Variants in SLC25A13 observed in about 807,000 individuals in gnomAD.
SLC25A13 encodes the protein electrogenic aspartate/glutamate antiporter SLC25A13, mitochondrial.
In SLC25A13, 70 loss-of-function variants were observed where a neutral mutation model predicts 85.5. That is an observed-to-expected ratio of 0.82 (90% CI 0.68 to 1.00). SLC25A13 has a LOEUF of 1.00. Ranked by LOEUF, SLC25A13 falls within the 50% of genes least tolerant of loss-of-function variation. SLC25A13 has a pLI of 0.00. For synonymous variants in SLC25A13, 259 were observed against 288.7 expected, an observed-to-expected ratio of 0.90 and a Z score of 1.04; for missense variants, 765 against 819.8, an observed-to-expected ratio of 0.93 and a Z score of 0.82.
chr7:96,253,502 T>C (rs1230199969), intron 3 of SLC25A13, among the ~76,000 whole-genome samples: 1 of 152,180 alleles, frequency 6.6e-6, no homozygotes, highest in East Asian at 1.9e-4. Context: ...ATCCCACAGA[T>C]TTTAAAAGAC....
At chr7:96,279,949 G>C (rs1798608532) in intron 2 of SLC25A13, among the ~76,000 whole-genome samples, 1 of 152,150 alleles carries the variant, frequency 6.6e-6, no homozygotes. Context: ...ACCAGGGAAA[G>C]GCGTGACAAA....
intron 3 of SLC25A13, among the ~76,000 whole-genome samples, chr7:96,270,283 C>A (rs748972318): frequency 1.3e-5 from 2 of 152,054 alleles, no homozygotes; most frequent in African/African-American, 4.8e-5. Context: ...GGGCTGAGTG[C>A]GGTGGCTCAC....
intron 5 of SLC25A13, among the ~76,000 whole-genome samples, chr7:96,194,034 T>C (rs1202585136): frequency 1.3e-5 from 2 of 152,198 alleles, no homozygotes; most frequent in Non-Finnish European, 2.9e-5. Context: ...GTGCACTATA[T>C]GGAAGGAACA....
At chr7:96,198,102 T>G (rs1258018837) in intron 5 of SLC25A13, among the ~76,000 whole-genome samples, 3 of 152,164 alleles carry the variant, frequency 2.0e-5, no homozygotes, top group African/African-American at 4.8e-5. Context: ...ATGGAAGCCA[T>G]ACATTATGAT....
chr7:96,215,298 T>C (rs1468480600), intron 4 of SLC25A13, among the ~76,000 whole-genome samples: 2 of 152,158 alleles, frequency 1.3e-5, no homozygotes, highest in Non-Finnish European at 2.9e-5. Context: ...GGTTTCACCA[T>C]GTTGGTCAGG....
intron 15 of SLC25A13, among the ~76,000 whole-genome samples, chr7:96,124,871 G>C (rs1186230154): frequency 1.1e-4 from 17 of 152,110 alleles, no homozygotes; most frequent in Non-Finnish European, 1.5e-4. Flanking sequence ...TTGTTATATA[G>C]GTGTACATTT....
At chr7:96,134,666 A>G (rs1228355091) in intron 14 of SLC25A13, among the ~76,000 whole-genome samples, 2 of 151,740 alleles carry the variant, frequency 1.3e-5, no homozygotes, top group East Asian at 3.9e-4. Context: ...CATGACAGTA[A>G]ATCATGTATC....
At chr7:96,255,059 C>T (rs1414933509) in intron 3 of SLC25A13, among the ~76,000 whole-genome samples, 1 of 152,150 alleles carries the variant, frequency 6.6e-6, no homozygotes, top group Non-Finnish European at 1.5e-5. Flanking sequence ...CAAAACCACA[C>T]AGAATTAAAT....
chr7:96,170,585 T>C (rs1194677199), intron 12 of SLC25A13, among the ~76,000 whole-genome samples: 1 of 152,196 alleles, frequency 6.6e-6, no homozygotes, highest in Non-Finnish European at 1.5e-5. Context: ...AGAAATTCAA[T>C]ATCTAAAAAT....
At chr7:96,215,067 T>C (rs551927044) in intron 4 of SLC25A13, among the ~76,000 whole-genome samples, 10 of 152,266 alleles carry the variant, frequency 6.6e-5, no homozygotes, top group South Asian at 4.1e-4. Context: ...CAATCCATTA[T>C]GAAAATTCAA....
At chr7:96,286,266 C>T (rs1798881381) in intron 2 of SLC25A13, among the ~76,000 whole-genome samples, 1 of 133,402 alleles carries the variant, frequency 7.5e-6, no homozygotes, top group Non-Finnish European at 1.6e-5. Flanking sequence ...GCCTGGGTGA[C>T]AGAGTAAGAC....
At chr7:96,149,283 T>G (rs1302291717) in intron 13 of SLC25A13, among the ~76,000 whole-genome samples, 1 of 152,214 alleles carries the variant, frequency 6.6e-6, no homozygotes, top group Non-Finnish European at 1.5e-5. Flanking sequence ...ACATCTGATC[T>G]CACAACAAAC....
rs1800373943 is a variant in SLC25A13, at chr7:96,322,000, T to C, written c.-44A>G. On this transcript the variant is annotated 5_prime_UTR_variant, in exon 1 of 18. Coordinates refer to ENST00000265631, the MANE Select transcript of SLC25A13 (RefSeq NM_014251.3). ...GCGACTGCGGGACCCACTGACTGGC[T>C]GGCTGGCGTTTGGGACCCGGGCGGC... 7 of 1,533,528 alleles carry C rather than the reference T, an allele frequency of 4.6e-6. No individual in the cohort carries two copies. The South Asian group carries it at 8.5e-5, about 19-fold the overall frequency. 95.0% of individuals were successfully genotyped at this position (1,533,528 alleles called of 1,614,324 possible).
chr7:96,176,074 T>C (rs575669775), intron 11 of SLC25A13, among the ~76,000 whole-genome samples: 2 of 152,300 alleles, frequency 1.3e-5, no homozygotes, highest in African/African-American at 4.8e-5. Context: ...GGTCATGATC[T>C]GTGAAACAAT....
intron 2 of SLC25A13, among the ~76,000 whole-genome samples, chr7:96,281,663 A>G (rs1798684421): frequency 1.3e-5 from 2 of 152,154 alleles, no homozygotes; most frequent in Admixed American, 6.6e-5. Context: ...CTGAGTATTC[A>G]TGGCTGTACA....
chr7:96,171,423 G>A, intron 12 of SLC25A13, 49 bp downstream of exon 12: 1 of 1,511,666 alleles, frequency 6.6e-7, no homozygotes, highest in Non-Finnish European at 9.2e-7. Context: ...CTAGATTCTT[G>A]AGTATGTACA....
chr7:96,187,472 T>C (rs1401367875), intron 9 of SLC25A13, among the ~76,000 whole-genome samples: 1 of 152,216 alleles, frequency 6.6e-6, no homozygotes, highest in African/African-American at 2.4e-5. Flanking sequence ...TAGCCCTATA[T>C]AGATGGAAAT....
chr7:96,131,553 T>G (rs1286656145), intron 15 of SLC25A13, among the ~76,000 whole-genome samples, 190 bp downstream of exon 15: 1 of 152,240 alleles, frequency 6.6e-6, no homozygotes, highest in Non-Finnish European at 1.5e-5. Flanking sequence ...TAAGCTTGTC[T>G]AATAATCTCA....
At chr7:96,306,750 C>A in intron 1 of SLC25A13, 1 of 1,140,138 alleles carries the variant, frequency 8.8e-7, no homozygotes, top group Non-Finnish European at 1.3e-6. Flanking sequence ...CTTCATCCCT[C>A]TGCATTTTGT....
Sources: gnomAD v4.1 joint callset for allele counts (sites outside exome capture counted in the v4.1 genomes callset) on GRCh38, gnomAD v4.1.1 for gene constraint, MANE v1.5 for transcripts, NCBI Gene and HGNC (gene_info 2026-07-23, HGNC 2026-07-21) for gene names.